The following SORCS1 variants were observed in gnomAD, a reference collection of about 807,000 sequenced individuals.
The protein encoded by SORCS1 is sortilin related VPS10 domain containing receptor 1, also known as VPS10 domain-containing receptor SorCS1.
Under a neutral mutation model 146.1 loss-of-function variants are expected in SORCS1, and 60 were observed. The ratio of observed to expected loss-of-function variants is 0.41; its 90% CI spans 0.33 to 0.51. The LOEUF is 0.51. Among genes scored for constraint, SORCS1 ranks in the 20% least tolerant of loss-of-function variants. The probability of loss-of-function intolerance (pLI) is 0.21; values close to 1 mark genes in which losing one functional copy is unlikely to be tolerated. For synonymous variants in SORCS1, 637 were observed against 584.0 expected, an observed-to-expected ratio of 1.09 and a Z score of -1.31; for missense variants, 1,352 against 1,487.6, an observed-to-expected ratio of 0.91 and a Z score of 1.50.
chr10:107,018,172 A>G (rs979679365), intron 1 of SORCS1, among the ~76,000 whole-genome samples: 1 of 148,554 alleles, frequency 6.7e-6, no homozygotes, highest in Non-Finnish European at 1.5e-5. Context: ...CTTCTCCACA[A>G]CTCTCCACTT....
intron 2 of SORCS1, among the ~76,000 whole-genome samples, chr10:106,875,815 T>C: frequency 6.6e-6 from 1 of 152,122 alleles, no homozygotes; most frequent in East Asian, 1.9e-4. Context: ...TCTGACAACA[T>C]TTTTGAGGGA....
intron 1 of SORCS1, among the ~76,000 whole-genome samples, chr10:106,966,893 C>T (rs1354788322): frequency 1.3e-5 from 2 of 151,338 alleles, no homozygotes; most frequent in Admixed American, 6.6e-5. Flanking sequence ...AGTAACAAAC[C>T]CAAAAAATAA....
rs546819288 is a variant in SORCS1, at chr10:106,744,250, G to A, written c.960-14136C>T. Reference sequence around the variant, plus strand: ...CTCCCAAGTAGCTGGGACTACAGGCGCCCGCCACCAGGCCCAGCTAATTTT... The same window carrying A: ...CTCCCAAGTAGCTGGGACTACAGGCACCCGCCACCAGGCCCAGCTAATTTT... On this transcript the variant is annotated intron_variant, in intron 5 of 25. Transcript: ENST00000263054. Among the ~76,000 whole-genome samples the A allele has an allele frequency of 9.1e-4, 138 of 152,156 alleles. 2 individuals carry two copies. Among genetic ancestry groups the A allele is most frequent in the Middle Eastern group, 6.8e-3 (2 of 292 alleles).
At chr10:106,731,445 T>A (rs1191712345) in intron 5 of SORCS1, among the ~76,000 whole-genome samples, 1 of 151,792 alleles carries the variant, frequency 6.6e-6, no homozygotes, top group Non-Finnish European at 1.5e-5. Flanking sequence ...AGTGCCACAC[T>A]CATTTCCTCG....
intron 19 of SORCS1, among the ~76,000 whole-genome samples, chr10:106,622,288 C>CG (rs1435560559): frequency 8.3e-4 from 49 of 59,054 alleles, no homozygotes; most frequent in Middle Eastern, 0.014. Context: ...GATTCCATCT[C>CG]GAAAAAAAAA....
the SORCS1 span, among the ~76,000 whole-genome samples, chr10:107,180,637 TTATA>T: frequency 6.6e-6 from 1 of 152,216 alleles, no homozygotes; most frequent in Non-Finnish European, 1.5e-5. Context: ...ATTTCTGCTC[TTATA>T]ATTATCATTT....
intron 3 of SORCS1, among the ~76,000 whole-genome samples, chr10:106,781,139 C>G (rs1222475113): frequency 6.6e-6 from 1 of 152,074 alleles, no homozygotes; most frequent in Non-Finnish European, 1.5e-5. Flanking sequence ...GTTGTCGTCT[C>G]CTGCGGGCCT....
chr10:106,769,383 G>A (rs1320790103), intron 4 of SORCS1, among the ~76,000 whole-genome samples: 1 of 151,852 alleles, frequency 6.6e-6, no homozygotes, highest in Non-Finnish European at 1.5e-5. Flanking sequence ...TACTTGGGAG[G>A]CTGAGGCAGG....
chr10:106,659,828 C>T (rs1040578905), intron 17 of SORCS1, among the ~76,000 whole-genome samples: 6 of 152,150 alleles, frequency 3.9e-5, no homozygotes, highest in Non-Finnish European at 8.8e-5. Context: ...CCTTCATTTC[C>T]CAACCCCAGT....
At chr10:106,843,228 G>A (rs567582972) in intron 2 of SORCS1, among the ~76,000 whole-genome samples, 74 of 151,920 alleles carry the variant, frequency 4.9e-4, no homozygotes, top group Non-Finnish European at 9.0e-4. Context: ...AAGTTTTTAT[G>A]CTTTGACTCA....
chr10:107,130,598 G>T (rs1361552135), intron 1 of SORCS1, among the ~76,000 whole-genome samples: 1 of 152,188 alleles, frequency 6.6e-6, no homozygotes, highest in Non-Finnish European at 1.5e-5. Flanking sequence ...ACAGGCAATG[G>T]ATGGGAGCAC....
At chr10:107,066,774 A>G (rs1322222482) in intron 1 of SORCS1, among the ~76,000 whole-genome samples, 1 of 152,228 alleles carries the variant, frequency 6.6e-6, no homozygotes, top group Non-Finnish European at 1.5e-5. Flanking sequence ...GGGAGAATAA[A>G]TAGTGTGTTC....
chr10:107,117,724 T>G (rs1966131743), intron 1 of SORCS1, among the ~76,000 whole-genome samples: 1 of 152,222 alleles, frequency 6.6e-6, no homozygotes, highest in Admixed American at 6.5e-5. Context: ...TTCTTCTTTC[T>G]TATTTCTCCC....
intron 3 of SORCS1, among the ~76,000 whole-genome samples, chr10:106,814,109 G>T (rs1026086187): frequency 6.6e-6 from 1 of 152,138 alleles, no homozygotes; most frequent in African/African-American, 2.4e-5. Flanking sequence ...CTTACAACAA[G>T]GTTTTCTTGG....
chr10:106,905,385 T>C (rs1951868599), intron 2 of SORCS1, among the ~76,000 whole-genome samples: 1 of 152,096 alleles, frequency 6.6e-6, no homozygotes, highest in African/African-American at 2.4e-5. Flanking sequence ...GTGGAATAAA[T>C]ACATTTCTAA....
chr10:106,807,142 CAAAGGTTTTCTGCTAACATAACAATCTG>C (rs139803641), intron 3 of SORCS1, among the ~76,000 whole-genome samples: 15,216 of 152,040 alleles, frequency 0.1, 864 homozygotes, highest in East Asian at 0.2. Context: ...ATGACACTAT[CAAAGGTTTTCTGCTAACATAACAATCTG>C]CTTTGAAGAA....
chr10:106,808,753 T>C (rs1295857870), intron 3 of SORCS1, among the ~76,000 whole-genome samples: 4 of 152,256 alleles, frequency 2.6e-5, no homozygotes, highest in African/African-American at 7.2e-5. Context: ...CCGCCCACCT[T>C]GGCCTCCCAA....
chr10:106,989,238 C>A (rs1956630845), intron 1 of SORCS1, among the ~76,000 whole-genome samples: 1 of 142,324 alleles, frequency 7.0e-6, no homozygotes, highest in South Asian at 2.2e-4. Flanking sequence ...TCACCACACT[C>A]CAGCCTGGGT....
At chr10:106,837,980 A>C (rs1277215972) in intron 2 of SORCS1, among the ~76,000 whole-genome samples, 3 of 151,884 alleles carry the variant, frequency 2.0e-5, no homozygotes, top group Non-Finnish European at 2.9e-5. Context: ...GTCTTTCTCC[A>C]TGGGAACAGG....
Sources: gnomAD v4.1 joint callset for allele counts (sites outside exome capture counted in the v4.1 genomes callset) on GRCh38, gnomAD v4.1.1 for gene constraint, MANE v1.5 for transcripts, NCBI Gene and HGNC (gene_info 2026-07-23, HGNC 2026-07-21) for gene names.